Variants in STK3 observed in about 807,000 individuals in gnomAD.
The protein encoded by STK3 is serine/threonine-protein kinase 3.
A neutral mutation model predicts 58.0 loss-of-function variants in STK3; 41 were observed. That is an observed-to-expected ratio of 0.71 (90% CI 0.55 to 0.92). The LOEUF (loss-of-function observed/expected upper bound fraction) is 0.92, where lower values mean the gene tolerates loss of function less well. STK3 is among the 40% of genes least tolerant of loss of function. STK3 has a pLI of 0.00. For missense variants in STK3, 479 were observed against 602.7 expected (o/e 0.79, Z 2.15); for synonymous variants, 170 against 191.0 (o/e 0.89, Z 0.91).
chr8:98,405,425 T>C (rs184358143), intron 3 of STK3, among the ~76,000 whole-genome samples: 2 of 152,344 alleles, frequency 1.3e-5, no homozygotes, highest in South Asian at 2.1e-4. Flanking sequence ...ATGGTGGTGG[T>C]GGTAATATTG....
chr8:98,595,989 G>C (rs778757118), intron 7 of STK3, 43 bp downstream of exon 7: 1 of 1,589,546 alleles, frequency 6.3e-7, no homozygotes, highest in Non-Finnish European at 8.6e-7. Context: ...AAAGCTGAAA[G>C]GTATGAAGAA....
chr8:98,436,963 C>T (rs541496473), intron 2 of STK3: 2 of 152,400 alleles, frequency 1.3e-5, no homozygotes, highest in African/African-American at 2.4e-5. Context: ...GCTCTCACCC[C>T]GCTTCTGTCC....
intron 4 of STK3, among the ~76,000 whole-genome samples, chr8:98,707,528 G>A (rs748664157): frequency 6.6e-5 from 10 of 151,974 alleles, no homozygotes; most frequent in South Asian, 6.3e-4. Context: ...TCAGCTTCCC[G>A]AGTAGCTAGA....
At chr8:98,622,047 T>G (rs1004206128) in intron 6 of STK3, among the ~76,000 whole-genome samples, 1 of 150,462 alleles carries the variant, frequency 6.6e-6, no homozygotes, top group African/African-American at 2.4e-5. Flanking sequence ...GCAGATCACT[T>G]GAGGTCAGGA....
chr8:98,849,225 CAA>C (rs1013187542), intron 3 of STK3, among the ~76,000 whole-genome samples: 26 of 52,140 alleles, frequency 5.0e-4, no homozygotes, highest in African/African-American at 3.8e-4. Flanking sequence ...GACTCCATCT[CAA>C]AAAAAAAAAA....
At chr8:98,746,957 G>A (rs759320400) in intron 4 of STK3, among the ~76,000 whole-genome samples, 4 of 151,528 alleles carry the variant, frequency 2.6e-5, no homozygotes, top group South Asian at 2.1e-4. Flanking sequence ...CTGGAGGATC[G>A]CTTGAGCCCA....
the STK3 span, among the ~76,000 whole-genome samples, chr8:98,355,647 G>A: frequency 9.9e-5 from 15 of 152,154 alleles, no homozygotes; most frequent in Admixed American, 9.8e-4. Context: ...TAGCTTCCTG[G>A]TCCCCATAGC....
intron 1 of STK3, among the ~76,000 whole-genome samples, chr8:98,386,825 C>T (rs980393581): frequency 5.3e-5 from 8 of 152,004 alleles, no homozygotes; most frequent in Non-Finnish European, 1.0e-4. Flanking sequence ...ACTAAAAATA[C>T]AAAAATTAAC....
intron 1 of STK3, among the ~76,000 whole-genome samples, chr8:98,899,844 G>T (rs1459010695): frequency 6.6e-6 from 1 of 152,124 alleles, no homozygotes; most frequent in African/African-American, 2.4e-5. Flanking sequence ...GCTCCTTACT[G>T]CCTTTCCTAT....
chr8:98,722,589 A>G (rs949162797), intron 4 of STK3, among the ~76,000 whole-genome samples: 2 of 152,172 alleles, frequency 1.3e-5, no homozygotes, highest in African/African-American at 4.8e-5. Flanking sequence ...TCATTTTCCT[A>G]GATAGATGGA....
intron 4 of STK3, among the ~76,000 whole-genome samples, chr8:98,734,658 T>C (rs534789782): frequency 3.2e-4 from 48 of 152,320 alleles, no homozygotes; most frequent in Non-Finnish European, 7.4e-5. Context: ...GAGTTATGCA[T>C]TTCTACTCTG....
At chr8:98,721,494 C>T (rs1827424991) in intron 4 of STK3, among the ~76,000 whole-genome samples, 1 of 151,310 alleles carries the variant, frequency 6.6e-6, no homozygotes, top group South Asian at 2.1e-4. Context: ...CATAGTGAGG[C>T]CTCGTCTCTA....
chr8:98,552,722 C>T (rs977401639), intron 8 of STK3, among the ~76,000 whole-genome samples: 5 of 152,118 alleles, frequency 3.3e-5, no homozygotes, highest in African/African-American at 1.2e-4. Flanking sequence ...CCTTTACGAC[C>T]ACTAGAATGT....
chr8:98,765,896 A>T (rs1830915184), intron 3 of STK3, among the ~76,000 whole-genome samples: 1 of 152,256 alleles, frequency 6.6e-6, no homozygotes, highest in Non-Finnish European at 1.5e-5. Context: ...GCTACTTCAC[A>T]TTGCATAAGA....
At chr8:98,490,434 G>A (rs1822596771) in intron 10 of STK3, among the ~76,000 whole-genome samples, 1 of 152,026 alleles carries the variant, frequency 6.6e-6, no homozygotes, top group South Asian at 2.1e-4. Flanking sequence ...AATAATAGAG[G>A]TAATAGCTGA....
intron 6 of STK3, among the ~76,000 whole-genome samples, chr8:98,698,167 C>T (rs1825167166): frequency 6.6e-6 from 1 of 151,782 alleles, no homozygotes; most frequent in African/African-American, 2.4e-5. Flanking sequence ...TCTGTTTTAT[C>T]AGAGACTAGG....
chr8:98,615,765 A>AG (rs1272364197), intron 6 of STK3, among the ~76,000 whole-genome samples: 43 of 49,386 alleles, frequency 8.7e-4, no homozygotes, highest in South Asian at 2.2e-3. Flanking sequence ...TAGAGAAAAA[A>AG]GAATAAAAAG....
At chr8:98,397,856 T>C (rs1472568882), downstream of STK3, among the ~76,000 whole-genome samples, 1 of 152,148 alleles carries the variant, frequency 6.6e-6, no homozygotes, top group African/African-American at 2.4e-5. Flanking sequence ...TGCTCCACCA[T>C]GGTAAGACGT....
intron 1 of STK3, among the ~76,000 whole-genome samples, chr8:98,903,327 G>C (rs1028902335): frequency 3.9e-5 from 6 of 152,112 alleles, no homozygotes; most frequent in Non-Finnish European, 7.3e-5. Context: ...TTATGGGCAG[G>C]TGATAGAAAA....
Sources: gnomAD v4.1 joint callset for allele counts (sites outside exome capture counted in the v4.1 genomes callset) on GRCh38, gnomAD v4.1.1 for gene constraint, MANE v1.5 for transcripts, NCBI Gene and HGNC (gene_info 2026-07-23, HGNC 2026-07-21) for gene names.